Variants in PIGK observed in about 807,000 individuals in gnomAD.
PIGK encodes the protein phosphatidylinositol glycan anchor biosynthesis class K.
In PIGK, 42 loss-of-function variants were observed where a neutral mutation model predicts 50.6. That is an observed-to-expected ratio of 0.83 (90% CI 0.65 to 1.07). The LOEUF (loss-of-function observed/expected upper bound fraction) is 1.07. PIGK is among the 50% of genes least tolerant of loss of function. PIGK has a pLI of 0.00. For missense variants in PIGK, 448 were observed against 488.7 expected (o/e 0.92, Z 0.78); for synonymous variants, 151 against 156.0 (o/e 0.97, Z 0.24).
chr1:77,157,099 G>A (rs1251124308), intron 8 of PIGK, among the ~76,000 whole-genome samples: 2 of 152,004 alleles, frequency 1.3e-5, no homozygotes, highest in South Asian at 2.1e-4. Flanking sequence ...AATTTTTAAG[G>A]GGCTAACACC....
At chr1:77,113,117 T>G (rs909665295) in intron 10 of PIGK, among the ~76,000 whole-genome samples, 2 of 151,994 alleles carry the variant, frequency 1.3e-5, no homozygotes, top group Non-Finnish European at 2.9e-5. Context: ...CTTATTAAAA[T>G]CAAAATCTAC....
intron 3 of PIGK, among the ~76,000 whole-genome samples, chr1:77,196,017 C>T (rs1452679949): frequency 6.6e-6 from 1 of 152,018 alleles, no homozygotes; most frequent in East Asian, 1.9e-4. Context: ...TTATTATTCC[C>T]ATCTTTATGT....
chr1:77,116,334 C>A (rs1442926924), intron 10 of PIGK, among the ~76,000 whole-genome samples: 1 of 152,070 alleles, frequency 6.6e-6, no homozygotes, highest in African/African-American at 2.4e-5. Flanking sequence ...CAGGCGCCCA[C>A]CACCACGCCC....
intron 8 of PIGK, among the ~76,000 whole-genome samples, chr1:77,159,959 T>C (rs1473008686): frequency 6.6e-6 from 1 of 152,094 alleles, no homozygotes; most frequent in Non-Finnish European, 1.5e-5. Context: ...GAATAGGAGC[T>C]CTGGGAGGGG....
intron 3 of PIGK, among the ~76,000 whole-genome samples, chr1:77,181,721 C>T (rs376110442): frequency 2.5e-4 from 38 of 152,166 alleles, no homozygotes; most frequent in East Asian, 1.9e-3. Flanking sequence ...GTTGCTTTTC[C>T]CCCTGACACA....
chr1:77,110,415 T>C (rs1227685861), intron 10 of PIGK, among the ~76,000 whole-genome samples: 1 of 151,996 alleles, frequency 6.6e-6, no homozygotes, highest in Non-Finnish European at 1.5e-5. Context: ...AACAGAGATA[T>C]AGACCAATGG....
chr1:77,219,191 C>A, intron 1 of PIGK, 119 bp downstream of exon 1: 1 of 762,004 alleles, frequency 1.3e-6, no homozygotes, highest in Non-Finnish European at 2.2e-6. Context: ...TCCTCAAACC[C>A]AGCCTGGGTC....
intron 3 of PIGK, among the ~76,000 whole-genome samples, chr1:77,193,245 A>ATGTGTGTGTGTG (rs56987496): frequency 0.017 from 2,464 of 144,834 alleles, 56 homozygotes; most frequent in African/African-American, 0.05. Flanking sequence ...TGGCATGAGA[A>ATGTGTGTGTGTG]TGTGTGTGTG....
At chr1:77,135,474 T>A (rs761925257) in intron 9 of PIGK, among the ~76,000 whole-genome samples, 11 of 152,074 alleles carry the variant, frequency 7.2e-5, no homozygotes, top group Non-Finnish European at 1.3e-4. Context: ...GAGCAGTAGT[T>A]GCCTGTAATC....
intron 3 of PIGK, among the ~76,000 whole-genome samples, chr1:77,184,038 C>A (rs1413665877): frequency 6.6e-6 from 1 of 152,022 alleles, no homozygotes; most frequent in African/African-American, 2.4e-5. Flanking sequence ...TGCTCAACTA[C>A]AAAATTTAAA....
chr1:77,164,177 C>T (rs1315346916), intron 5 of PIGK, among the ~76,000 whole-genome samples: 1 of 152,116 alleles, frequency 6.6e-6, no homozygotes, highest in Non-Finnish European at 1.5e-5. Flanking sequence ...TATTCAATTA[C>T]AGAAACCTAT....
chr1:77,172,219 T>C (rs1161626021), intron 3 of PIGK, among the ~76,000 whole-genome samples: 1 of 152,060 alleles, frequency 6.6e-6, no homozygotes, highest in African/African-American at 2.4e-5. Context: ...AAAACCCAAT[T>C]TAGGAGTATG....
chr1:77,165,103 C>G (rs963246365), intron 5 of PIGK, among the ~76,000 whole-genome samples: 1 of 152,084 alleles, frequency 6.6e-6, no homozygotes, highest in Non-Finnish European at 1.5e-5. Flanking sequence ...ACTTCCAAAA[C>G]AGGCAGCCAG....
intron 9 of PIGK, among the ~76,000 whole-genome samples, chr1:77,146,821 T>C (rs1181210177): frequency 6.6e-6 from 1 of 151,190 alleles, no homozygotes; most frequent in African/African-American, 2.4e-5. Context: ...AAAGAAAAAT[T>C]AGCCAGGCAT....
intron 10 of PIGK, among the ~76,000 whole-genome samples, chr1:77,100,962 C>T (rs1003046836): frequency 6.6e-6 from 1 of 152,180 alleles, no homozygotes; most frequent in Non-Finnish European, 1.5e-5. Flanking sequence ...TTGATTAAAA[C>T]TTTGTGAGAC....
chr1:77,119,197 A>G (rs1262572824), intron 10 of PIGK, among the ~76,000 whole-genome samples: 2 of 152,226 alleles, frequency 1.3e-5, no homozygotes, highest in African/African-American at 4.8e-5. Context: ...CTAACATTAA[A>G]AAAGAAAAAC....
chr1:77,093,871 C>G (rs1653352150), intron 10 of PIGK, among the ~76,000 whole-genome samples: 1 of 152,082 alleles, frequency 6.6e-6, no homozygotes. Context: ...GGTTCTCAAA[C>G]CATTTCTAAT....
intron 9 of PIGK, among the ~76,000 whole-genome samples, chr1:77,143,126 T>C (rs1227318397): frequency 6.6e-6 from 1 of 152,196 alleles, no homozygotes; most frequent in Non-Finnish European, 1.5e-5. Context: ...AGTGTTATTG[T>C]ATAAATCAAT....
intron 3 of PIGK, among the ~76,000 whole-genome samples, chr1:77,191,374 A>C (rs948966509): frequency 9.9e-5 from 15 of 152,214 alleles, no homozygotes; most frequent in African/African-American, 3.6e-4. Context: ...TATTTTTCCA[A>C]TAATGATCTG....
Sources: gnomAD v4.1 joint callset for allele counts (sites outside exome capture counted in the v4.1 genomes callset) on GRCh38, gnomAD v4.1.1 for gene constraint, MANE v1.5 for transcripts, NCBI Gene and HGNC (gene_info 2026-07-23, HGNC 2026-07-21) for gene names.